FRMD4B: variants seen among roughly 807,000 people sequenced by gnomAD.
FRMD4B encodes FERM domain containing 4B, also known as FERM domain-containing protein 4B.
A neutral mutation model predicts 141.5 loss-of-function variants in FRMD4B; 74 were observed. The ratio of observed to expected loss-of-function variants is 0.52; its 90% confidence interval spans 0.43 to 0.63. FRMD4B has a LOEUF of 0.63. Ranked by LOEUF, FRMD4B falls within the 30% of genes least tolerant of loss-of-function variation. The pLI, the probability that FRMD4B is intolerant of heterozygous loss-of-function variation, is 0.00. For missense variants in FRMD4B, 1,366 were observed against 1,253.4 expected, an observed-to-expected ratio of 1.09 and a Z score of -1.36; for synonymous variants, 506 against 467.9, an observed-to-expected ratio of 1.08 and a Z score of -1.05.
intron 2 of FRMD4B, among the ~76,000 whole-genome samples, chr3:69,430,969 G>C (rs1479645890): frequency 6.6e-6 from 1 of 152,176 alleles, no homozygotes; most frequent in African/African-American, 2.4e-5. Flanking sequence ...TAGTAGAGAA[G>C]CCAGAGAAGC....
At chr3:69,216,378 G>T in intron 10 of FRMD4B, 29 bp from the exon 11 acceptor site, 1 of 1,068,474 alleles carries the variant, frequency 9.4e-7, no homozygotes, top group Non-Finnish European at 1.4e-6. Context: ...TGAGAACCAA[G>T]ACCTAGCTGT....
intron 5 of FRMD4B, among the ~76,000 whole-genome samples, chr3:69,269,932 T>C (rs2093586708): frequency 6.6e-6 from 1 of 152,282 alleles, no homozygotes; most frequent in Non-Finnish European, 1.5e-5. Context: ...ATGTCTTCTT[T>C]ATAAATTTAA....
At position 69,189,295 on chromosome 3, in the gene FRMD4B, C is replaced by T. The variant is rs189722709; in HGVS notation, c.1771+601G>A. Among the ~76,000 whole-genome samples the T allele has an allele frequency of 3.0e-3, 443 of 149,132 alleles. 5 individuals are homozygous for T. Among genetic ancestry groups the T allele is most frequent in the African/African-American group, 0.011 (430 of 40,572 alleles). On this transcript the variant is annotated intron_variant, in intron 18 of 22. Coordinates refer to ENST00000398540, the MANE Select transcript of FRMD4B (RefSeq NM_015123.3). ...TTGAACAAATACAGGCCATTACAAT[C>T]GATACAGCCTGCCTCTATGAAACAA...
At chr3:69,466,605 A>T (rs1705791196) in intron 1 of FRMD4B, among the ~76,000 whole-genome samples, 1 of 152,342 alleles carries the variant, frequency 6.6e-6, no homozygotes, top group Middle Eastern at 3.4e-3. Context: ...TGCATGCTGG[A>T]TACAGGAATG....
At chr3:69,351,773 T>G (rs1481296093) in intron 1 of FRMD4B, among the ~76,000 whole-genome samples, 1 of 152,142 alleles carries the variant, frequency 6.6e-6, no homozygotes, top group Non-Finnish European at 1.5e-5. Flanking sequence ...GGATAGGAAG[T>G]CTTAGAAAAA....
At chr3:69,483,111 G>A (rs1377070258) in intron 1 of FRMD4B, among the ~76,000 whole-genome samples, 2 of 152,170 alleles carry the variant, frequency 1.3e-5, no homozygotes, top group East Asian at 3.9e-4. Context: ...AAAAAAGGCA[G>A]TAAATTGAAA....
chr3:69,443,262 GGTTTGGA>G (rs1206919282), intron 1 of FRMD4B, among the ~76,000 whole-genome samples: 1 of 152,088 alleles, frequency 6.6e-6, no homozygotes, highest in African/African-American at 2.4e-5. Flanking sequence ...TGAACAATGG[GGTTTGGA>G]GAGCCTCCTG....
chr3:69,245,411 G>A (rs965825729), intron 7 of FRMD4B, among the ~76,000 whole-genome samples: 2 of 150,718 alleles, frequency 1.3e-5, no homozygotes, highest in Non-Finnish European at 2.9e-5. Context: ...ACGATCTCTA[G>A]CTCAGTGCAA....
intron 5 of FRMD4B, among the ~76,000 whole-genome samples, chr3:69,251,231 G>T (rs2093462125): frequency 6.6e-6 from 1 of 152,156 alleles, no homozygotes; most frequent in Non-Finnish European, 1.5e-5. Context: ...TAAGAACATG[G>T]AATTCCTGGA....
At chr3:69,201,050 C>A (rs930125422) in intron 11 of FRMD4B, among the ~76,000 whole-genome samples, 1 of 152,116 alleles carries the variant, frequency 6.6e-6, no homozygotes, top group Non-Finnish European at 1.5e-5. Context: ...ACTTAAAAGG[C>A]GAAGGACTTC....
chr3:69,340,149 ATTTCT>A (rs1432521804), intron 1 of FRMD4B, among the ~76,000 whole-genome samples: 1 of 138,902 alleles, frequency 7.2e-6, no homozygotes, highest in African/African-American at 2.8e-5. Context: ...AAAAGCCATT[ATTTCT>A]TTTCTTTTCT....
At chr3:69,506,505 G>C (rs761951854) in intron 1 of FRMD4B, among the ~76,000 whole-genome samples, 3 of 151,278 alleles carry the variant, frequency 2.0e-5, no homozygotes, top group Admixed American at 6.6e-5. Context: ...TAATTCCTCA[G>C]AGTAAATAAA....
chr3:69,210,989 C>G (rs4449323), intron 11 of FRMD4B, among the ~76,000 whole-genome samples: 124,232 of 145,472 alleles, frequency 0.85, 53,324 homozygotes, highest in Admixed American at 0.9. Flanking sequence ...TTGCACTCCA[C>G]CCGGGGCAAC....
intron 1 of FRMD4B, among the ~76,000 whole-genome samples, chr3:69,475,102 G>A (rs944899011): frequency 6.6e-6 from 1 of 152,076 alleles, no homozygotes; most frequent in Non-Finnish European, 1.5e-5. Context: ...ACAAAACAGG[G>A]CCAGGTTATT....
chr3:69,181,341 A>G lies in FRMD4B; in HGVS notation c.2409T>C (p.Ser803=), dbSNP rs765268712. 29 of 1,613,860 alleles carry G rather than the reference A, an allele frequency of 1.8e-5. No individual in the cohort carries two copies. The Admixed American group carries it at 4.8e-4, about 27-fold the overall frequency. The change falls in exon 21 of 23, where the codon AGT becomes AGC. Residue 803 remains serine (S), a synonymous_variant. Coordinates refer to ENST00000398540, the MANE Select transcript of FRMD4B (RefSeq NM_015123.3). ...YSKSQEPPSS[S]YYIAGYTPYA... ...AGGGTGTGTACCCGGCAATGTAGTAACTGGAAGACGGTGGCTCCTGACTCT... is the reference window on the plus strand; with the variant it reads ...AGGGTGTGTACCCGGCAATGTAGTAGCTGGAAGACGGTGGCTCCTGACTCT...
At chr3:69,291,208 T>A (rs1700861566) in intron 4 of FRMD4B, among the ~76,000 whole-genome samples, 1 of 152,226 alleles carries the variant, frequency 6.6e-6, no homozygotes, top group Admixed American at 6.5e-5. Context: ...ACTCAACATC[T>A]GCCTTCTACT....
rs570328726 is a variant in FRMD4B, at chr3:69,181,647, C to G, written c.2103G>C (p.Leu701=). 19 of 1,613,414 alleles carry G rather than the reference C, an allele frequency of 1.2e-5. No homozygotes were observed. The South Asian group carries it at 2.0e-4, about 17-fold the overall frequency. ...GCTTATCGCTGTCCATCTCGGAGAG[C>G]AGGTGGGACTGGGACTCCAGGCTTC... is the stretch of plus-strand genomic sequence containing the variant. ...RSGSLESQSH[L]LSEMDSDKPF... Residue 701 remains leucine, a synonymous_variant, in exon 21 of 23, where the codon CTG becomes CTC. Coordinates refer to ENST00000398540, the MANE Select transcript of FRMD4B (RefSeq NM_015123.3).
rs532847187 is a variant in FRMD4B, at chr3:69,372,606, A to C, written c.162+13222T>G. On this transcript the variant is annotated intron_variant, in intron 1 of 22. Transcript: ENST00000398540. Reference sequence around the variant, plus strand: ...CCGGAACCTGGGAGGTGGAGGTTGCAGTGAGCTGAGATCATGCCACTGCTC... The same window carrying C: ...CCGGAACCTGGGAGGTGGAGGTTGCCGTGAGCTGAGATCATGCCACTGCTC... Among the ~76,000 whole-genome samples, 19 of 152,316 alleles carry C rather than the reference A, an allele frequency of 1.2e-4. No homozygotes were observed. In the East Asian group the frequency reaches 3.7e-3, roughly 29 times the overall value.
intron 4 of FRMD4B, among the ~76,000 whole-genome samples, chr3:69,294,198 G>A (rs561619232): frequency 6.6e-6 from 1 of 152,148 alleles, no homozygotes; most frequent in African/African-American, 2.4e-5. Flanking sequence ...CTCATTCTGG[G>A]TTTCTTTTAG....
Sources: gnomAD v4.1 joint callset for allele counts (sites outside exome capture counted in the v4.1 genomes callset) on GRCh38, gnomAD v4.1.1 for gene constraint, MANE v1.5 for transcripts, NCBI Gene and HGNC (gene_info 2026-07-23, HGNC 2026-07-21) for gene names.